APC2: variants seen among roughly 807,000 people sequenced by gnomAD.
APC2 encodes the protein adenomatous polyposis coli protein 2.
APC2 carries 41 observed loss-of-function variants against 72.5 expected under a neutral mutation model. The observed-to-expected ratio is 0.57, with a 90% CI of 0.44 to 0.73. APC2 has a LOEUF of 0.73. Among genes scored for constraint, APC2 ranks in the 30% least tolerant of loss-of-function variants. The probability of loss-of-function intolerance (pLI) is 0.00; values close to 1 mark genes in which losing one functional copy is unlikely to be tolerated. For missense variants in APC2, 3,729 were observed against 3,403.4 expected (o/e 1.10, Z -2.38); for synonymous variants, 1,898 against 1,612.0 (o/e 1.18, Z -4.25).
Position 1,466,541 on chromosome 19 carries a change from C to T in APC2, c.3240C>T (p.Gly1080=). The T allele has an allele frequency of 6.3e-7, 1 of 1,584,728 alleles. No individual in the cohort carries two copies. The highest frequency in any genetic ancestry group is 8.5e-7 in the Non-Finnish European group (1 of 1,173,264). Residue 1080 remains glycine (G), a synonymous_variant, in exon 15 of 15, where the codon GGC becomes GGT. Coordinates refer to ENST00000590469, the MANE Select transcript of APC2 (RefSeq NM_005883.3). ...CCCTTTCCTCGCTGTCCTCGGCCGG[C>T]CGCCCAGGCCCCAGCGAGGGTGGTG... ...CSSLSSLSSA[G]RPGPSEGGDL...
Position 1,468,512 on chromosome 19 carries a change from G to A in APC2, c.5211G>A (p.Lys1737=), listed in dbSNP as rs1183023894. ...GSTLQPPKHR[K]GRQAEGEMGS... ...CCCTACAGCCCCCCAAGCACAGGAAGGGACGACAGGCGGAGGGAGAAATGG... is the reference window on the plus strand; with the variant it reads ...CCCTACAGCCCCCCAAGCACAGGAAAGGACGACAGGCGGAGGGAGAAATGG... The change falls in exon 15 of 15, where the codon AAG becomes AAA. Residue 1737 remains lysine, a synonymous_variant. Transcript: ENST00000590469. 1 of 1,603,572 alleles carries A rather than the reference G, an allele frequency of 6.2e-7. No homozygotes were observed. The highest frequency in any genetic ancestry group is 8.5e-7 in the Non-Finnish European group (1 of 1,174,990).
chr19:1,457,980 A>G lies in APC2; in HGVS notation c.1223A>G (p.Glu408Gly). ...GGAGSAPIPIEPQICQATCAV... is the reference protein window; with the variant it reads ...GGAGSAPIPIGPQICQATCAV... Reference sequence around the variant, plus strand: ...GTGCCCACAGCCCCGATCCCCATCGAGCCGCAGATCTGCCAGGCCACCTGT... The same window carrying G: ...GTGCCCACAGCCCCGATCCCCATCGGGCCGCAGATCTGCCAGGCCACCTGT... The change falls in exon 10 of 15, where the codon GAG becomes GGG. Residue 408 changes from glutamate to glycine, a missense_variant. Coordinates refer to ENST00000590469, the MANE Select transcript of APC2 (RefSeq NM_005883.3). The G allele has an allele frequency of 6.4e-7, 1 of 1,557,590 alleles. No individual in the cohort carries two copies. Among genetic ancestry groups the G allele is most frequent in the Non-Finnish European group, 8.7e-7 (1 of 1,151,202 alleles).
intron 1 of APC2, among the ~76,000 whole-genome samples, chr19:1,450,974 G>A (rs1461191778): frequency 6.6e-6 from 1 of 152,208 alleles, no homozygotes; most frequent in African/African-American, 2.4e-5. Flanking sequence ...TGTACATGGA[G>A]GAGTCGGAGC....
At chr19:1,462,245 C>T (rs2083938829) in intron 14 of APC2, 68 bp downstream of exon 14, 2 of 1,394,404 alleles carry the variant, frequency 1.4e-6, no homozygotes, top group African/African-American at 2.9e-5. Context: ...CTGGGCTGGG[C>T]ACTGTCCTCC....
At position 1,469,004 on chromosome 19, in the gene APC2, C is replaced by G; in HGVS notation, c.5703C>G (p.Pro1901=). The change falls in exon 15 of 15, where the codon CCC becomes CCG. Residue 1901 remains proline, a synonymous_variant. Transcript: ENST00000590469. ...PPVTQAAGAL[P]GPGASPVPKT... is the part of the protein sequence containing the mutation. ...TCACCCAGGCTGCTGGGGCCCTGCC[C>G]GGCCCCGGAGCCTCCCCGGTGCCCA... 6.4e-7 allele frequency: 1 copy of G among 1,555,568 alleles called. No individual in the cohort carries two copies. Among genetic ancestry groups the G allele is most frequent in the Non-Finnish European group, 8.7e-7 (1 of 1,154,806 alleles).
chr19:1,456,533 C>T, intron 8 of APC2, 129 bp downstream of exon 8: 1 of 1,035,114 alleles, frequency 9.7e-7, no homozygotes, highest in Non-Finnish European at 1.4e-6. Flanking sequence ...TAGGAAGGCC[C>T]CTCTGGCGTG....
chr19:1,457,262 G>A lies in APC2; in HGVS notation c.1207+19G>A. 1.3e-6 allele frequency: 2 copies of A among 1,498,838 alleles called. No homozygotes were observed. Among genetic ancestry groups the A allele is most frequent in the Non-Finnish European group, 1.8e-6 (2 of 1,130,224 alleles). The allele number at this position is 1,498,838 out of a possible 1,614,324, so 92.8% of individuals were successfully genotyped here. A position where few individuals can be genotyped will look rare whatever the true frequency, so the allele number is the denominator to read the frequency against. On this transcript the variant is annotated intron_variant, in intron 9 of 14. Transcript: ENST00000590469. The stretch of plus-strand genomic sequence containing the variant: ...GGCAGCGGTGAGTGCCTGGCCTGGT[G>A]GGCCCCCTCCGCGCAATTAACGTGC...
chr19:1,469,256 C>T lies in APC2; in HGVS notation c.5955C>T (p.Ser1985=). ...VASALSSGSE[S]SDRSGFRRQL... is the part of the protein sequence containing the mutation. ...CAGCCCTCTCCAGCGGCAGCGAGTC[C>T]TCCGACCGCTCGGGCTTCCGGCGAC... is the stretch of plus-strand genomic sequence containing the variant. Residue 1985 remains serine, a synonymous_variant, in exon 15 of 15, where the codon TCC becomes TCT. Transcript: ENST00000590469. 2.8e-6 allele frequency: 4 copies of T among 1,427,494 alleles called. No homozygotes were observed. The highest frequency in any genetic ancestry group is 3.7e-6 in the Non-Finnish European group (4 of 1,088,766). The allele number at this position is 1,427,494 out of a possible 1,614,324, so 88.4% of individuals were successfully genotyped here.
At position 1,467,699 on chromosome 19, in the gene APC2, G is replaced by C; in HGVS notation, c.4398G>C (p.Glu1466Asp). The change falls in exon 15 of 15, where the codon GAG becomes GAC. Residue 1466 changes from glutamate (E) to aspartate (D), a missense_variant. By Grantham distance (45) the Glu-to-Asp change is conservative. Coordinates refer to ENST00000590469, the MANE Select transcript of APC2 (RefSeq NM_005883.3). ...RGAGKNRAGL[E>D]LPLGRPPSAP... ...CGGGCAAGAACAGAGCAGGGCTGGA[G>C]CTGCCCCTGGGCCGGCCCCCGAGCG... is the stretch of plus-strand genomic sequence containing the variant. 1 of 1,459,400 alleles carries C rather than the reference G, an allele frequency of 6.9e-7. No homozygotes were observed. Among genetic ancestry groups the C allele is most frequent in the Non-Finnish European group, 9.0e-7 (1 of 1,114,584 alleles). 90.4% of individuals were successfully genotyped at this position (1,459,400 alleles called of 1,614,324 possible). A position where few individuals can be genotyped will look rare whatever the true frequency, so the allele number is the denominator to read the frequency against.
chr19:1,448,365 G>C (rs1054118766), upstream of APC2, among the ~76,000 whole-genome samples: 1 of 152,006 alleles, frequency 6.6e-6, no homozygotes, highest in Non-Finnish European at 1.5e-5. Context: ...CGACCAACAC[G>C]GTGAAACCCC....
At position 1,466,284 on chromosome 19, in the gene APC2, C is replaced by G; in HGVS notation, c.2983C>G (p.Leu995Val). 1 of 1,533,596 alleles carries G rather than the reference C, an allele frequency of 6.5e-7. No homozygotes were observed. Among genetic ancestry groups the G allele is most frequent in the Non-Finnish European group, 8.7e-7 (1 of 1,146,630 alleles). The allele number at this position is 1,533,596 out of a possible 1,614,324, so 95.0% of individuals were successfully genotyped here. ...SADARVRTIK[L>V]SPTYQHVPLL... ...CGACGCCCGCGTGCGCACCATCAAGCTGTCGCCTACCTATCAGCACGTGCC... is the reference window on the plus strand; with the variant it reads ...CGACGCCCGCGTGCGCACCATCAAGGTGTCGCCTACCTATCAGCACGTGCC... The change falls in exon 15 of 15, where the codon CTG becomes GTG. Residue 995 changes from leucine (L) to valine (V), a missense_variant. Physicochemically the swap from Leu to Val is conservative, Grantham distance 32. Transcript: ENST00000590469.
intron 11 of APC2, 119 bp downstream of exon 11, chr19:1,460,439 A>G: frequency 2.1e-6 from 3 of 1,458,200 alleles, no homozygotes; most frequent in South Asian, 1.3e-5. Context: ...CTTGTCCCCA[A>G]CTTACAGACG....
Position 1,460,152 on chromosome 19 carries a change from C to T in APC2, c.1304-29C>T, listed in dbSNP as rs752891530. 19 of 1,612,288 alleles carry T rather than the reference C, an allele frequency of 1.2e-5. No homozygotes were observed. The African/African-American group carries it at 2.3e-4, about 19-fold the overall frequency. On this transcript the variant is annotated intron_variant, in intron 10 of 14. Transcript: ENST00000590469. ...GGGCAGCAGGCAGGGTCATCCCTGC[C>T]ACCCACCAACCTTGTTGGGTCCTCA... is the stretch of plus-strand genomic sequence containing the variant.
intron 5 of APC2, 57 bp from the exon 6 acceptor site, chr19:1,455,327 G>A: frequency 3.8e-6 from 6 of 1,589,198 alleles, no homozygotes; most frequent in Non-Finnish European, 4.3e-6. Flanking sequence ...GCGTGGGGGA[G>A]GAACGGGGCC....
rs569465370 is a variant in APC2, at chr19:1,460,108, G to A, written c.1304-73G>A. On this transcript the variant is annotated intron_variant, in intron 10 of 14. Coordinates refer to ENST00000590469, the MANE Select transcript of APC2 (RefSeq NM_005883.3). ...GGGCATAGGGAGGGCCTCTGGGCAAGGGAGTGAGGTGGGGCGCTGGGCAGC... is the reference window on the plus strand; with the variant it reads ...GGGCATAGGGAGGGCCTCTGGGCAAAGGAGTGAGGTGGGGCGCTGGGCAGC... The A allele has an allele frequency of 5.0e-6, 8 of 1,597,318 alleles. 1 individual carries two copies. In the East Asian group the frequency reaches 1.8e-4, roughly 36 times the overall value.
rs565848337 is a variant in APC2, at chr19:1,456,737, C to A, written c.817-116C>A. The A allele has an allele frequency of 3.8e-6, 5 of 1,301,512 alleles. No homozygotes were observed. The East Asian group carries it at 1.0e-4, about 27-fold the overall frequency. The allele number at this position is 1,301,512 out of a possible 1,614,324, so 80.6% of individuals were successfully genotyped here. ...TCCTAGCGTCCCCTCATCTGTCCCCCAGGTGGGCGTGGGGCTGCCCTTGGG... is the reference window on the plus strand; with the variant it reads ...TCCTAGCGTCCCCTCATCTGTCCCCAAGGTGGGCGTGGGGCTGCCCTTGGG... On this transcript the variant is annotated intron_variant, in intron 8 of 14. Transcript: ENST00000590469.
Position 1,469,473 on chromosome 19 carries a change from C to A in APC2, c.6172C>A (p.Arg2058=). The stretch of plus-strand genomic sequence containing the variant: ...ACCCCGGCAGGGCCCGGCCCCGGCC[C>A]GGCAGCGGCCCCCCGCGGCCCGACC... The part of the protein sequence containing the change: ...AAPRQGPAPA[R]QRPPAARPSP... Residue 2058 remains arginine, a synonymous_variant, in exon 15 of 15, where the codon CGG becomes AGG. Transcript: ENST00000590469. 9.0e-7 allele frequency: 1 copy of A among 1,117,068 alleles called. No individual in the cohort carries two copies. The highest frequency in any genetic ancestry group is 1.1e-6 in the Non-Finnish European group (1 of 918,626). The allele number at this position is 1,117,068 out of a possible 1,614,324, so 69.2% of individuals were successfully genotyped here.
chr19:1,467,218 G>A lies in APC2; in HGVS notation c.3917G>A (p.Gly1306Glu). Reference protein sequence around the residue: ...LLPSACPERGGGAGGAGLHFA... With the variant: ...LLPSACPERGEGAGGAGLHFA... ...CCCTCGGCCTGCCCCGAGCGCGGCGGGGGCGCCGGGGGCGCCGGCCTCCAC... is the reference window on the plus strand; with the variant it reads ...CCCTCGGCCTGCCCCGAGCGCGGCGAGGGCGCCGGGGGCGCCGGCCTCCAC... The change falls in exon 15 of 15, where the codon GGG (glycine) becomes GAG (glutamate). Residue 1306 changes from glycine to glutamate, a missense_variant. By Grantham distance (98) the Gly-to-Glu change is moderately conservative. Transcript: ENST00000590469. The A allele has an allele frequency of 7.3e-7, 1 of 1,372,094 alleles. No individual in the cohort carries two copies. The highest frequency in any genetic ancestry group is 1.5e-5 in the African/African-American group (1 of 66,572). The allele number at this position is 1,372,094 out of a possible 1,614,324, so 85.0% of individuals were successfully genotyped here. A position where few individuals can be genotyped will look rare whatever the true frequency, so the allele number is the denominator to read the frequency against.
rs751088741 is a variant in APC2, at chr19:1,457,120, G to A, written c.1084G>A (p.Gly362Ser). Residue 362 changes from glycine (G) to serine (S), a missense_variant, in exon 9 of 15, where the codon GGC (glycine) becomes AGC (serine). Coordinates refer to ENST00000590469, the MANE Select transcript of APC2 (RefSeq NM_005883.3). ...HNIVFSQPDQ[G>S]LARKEMRVLH... The stretch of plus-strand genomic sequence containing the variant: ...CATCGTCTTCTCGCAGCCGGACCAG[G>A]GCCTGGCGCGCAAGGAGATGCGCGT... The A allele has an allele frequency of 6.3e-7, 1 of 1,588,330 alleles. No individual in the cohort carries two copies. The highest frequency in any genetic ancestry group is 8.5e-7 in the Non-Finnish European group (1 of 1,170,652).
Sources: allele counts gnomAD v4.1 joint callset (sites outside exome capture counted in the v4.1 genomes callset), GRCh38; gene constraint gnomAD v4.1.1; transcripts MANE v1.5; gene names NCBI Gene and HGNC (gene_info 2026-07-23, HGNC 2026-07-21).